Variants in GALNT14 observed in about 807,000 individuals in gnomAD.
The protein encoded by GALNT14 is polypeptide N-acetylgalactosaminyltransferase 14, also known as UDP-GalNAc:polypeptide N-acetylgalactosaminyltransferase 14.
Under a neutral mutation model 77.5 loss-of-function variants are expected in GALNT14, and 60 were observed. The observed-to-expected ratio is 0.77, with a 90% CI of 0.63 to 0.96. GALNT14 has a LOEUF of 0.96. Among genes scored for constraint, GALNT14 ranks in the 40% least tolerant of loss-of-function variants. The probability of loss-of-function intolerance (pLI) is 0.00; values close to 1 mark genes in which losing one functional copy is unlikely to be tolerated. For synonymous variants in GALNT14, 280 were observed against 281.7 expected (o/e 0.99, Z 0.06); for missense variants, 710 against 731.0 (o/e 0.97, Z 0.33).
chr2:30,905,462 C>T, the GALNT14 span, among the ~76,000 whole-genome samples: 14 of 151,780 alleles, frequency 9.2e-5, no homozygotes, highest in East Asian at 1.5e-3. Flanking sequence ...AGGGTATCAG[C>T]GATGGAAAAT....
At chr2:30,916,083 G>A (rs949350623) in intron 13 of GALNT14, among the ~76,000 whole-genome samples, 6 of 152,174 alleles carry the variant, frequency 3.9e-5, no homozygotes, top group Non-Finnish European at 8.8e-5. Flanking sequence ...CAAGATAAGA[G>A]TAATCACCCC....
rs1679309044 is a variant in GALNT14, at chr2:31,138,071, G to C, written c.16C>G (p.Arg6Gly). The C allele has an allele frequency of 6.2e-7, 1 of 1,613,768 alleles. No individual in the cohort carries two copies. Among genetic ancestry groups the C allele is most frequent in the Non-Finnish European group, 8.5e-7 (1 of 1,179,784 alleles). The change falls in exon 1 of 15, where the codon CGT (arginine) becomes GGT (glycine). Residue 6 changes from arginine (R) to glycine (G), a missense_variant. Physicochemically the swap from Arg to Gly is moderately radical, Grantham distance 125. Transcript: ENST00000349752. The stretch of plus-strand genomic sequence containing the variant: ...CCGAAGACTGGCAGAACCAGCCGAC[G>C]AGTCAGGCGCCGCATGGTCCCCTTT... MRRLTRRLVLPVFGVL... is the reference protein window; with the variant it reads MRRLTGRLVLPVFGVL...
chr2:30,975,630 T>C (rs916536080), intron 2 of GALNT14, among the ~76,000 whole-genome samples: 11 of 152,212 alleles, frequency 7.2e-5, no homozygotes, highest in Non-Finnish European at 1.5e-4. Context: ...TTTTAAATAA[T>C]ATGCAGCTCA....
At chr2:30,924,308 G>A in intron 12 of GALNT14, 45 bp from the exon 13 acceptor site, 1 of 1,599,056 alleles carries the variant, frequency 6.3e-7, no homozygotes, top group Non-Finnish European at 8.6e-7. Flanking sequence ...CTGCTCATTG[G>A]ATTAGCAAGA....
At chr2:30,891,616 T>C in the GALNT14 span, among the ~76,000 whole-genome samples, 2 of 152,212 alleles carry the variant, frequency 1.3e-5, no homozygotes, top group Non-Finnish European at 2.9e-5. Flanking sequence ...GTCTTCAGGC[T>C]GTCCTGCATC....
chr2:31,028,506 G>A (rs1241651974), intron 1 of GALNT14, among the ~76,000 whole-genome samples: 1 of 152,222 alleles, frequency 6.6e-6, no homozygotes, highest in East Asian at 1.9e-4. Context: ...GGTTAGCGGG[G>A]CTCCCTCCAT....
At chr2:30,956,389 T>C (rs1667370767) in intron 4 of GALNT14, among the ~76,000 whole-genome samples, 1 of 152,210 alleles carries the variant, frequency 6.6e-6, no homozygotes, top group Admixed American at 6.5e-5. Context: ...GATATATATA[T>C]TTATGGGGCA....
In GALNT14 at chr2:30,977,311, G is replaced by A. The variant is rs183970389; in HGVS notation, c.300-11009C>T. 5.1e-3 allele frequency among the ~76,000 whole-genome samples: 774 copies of A among 152,172 alleles called. 3 individuals are homozygous for A. Among genetic ancestry groups the A allele is most frequent in the Middle Eastern group, 6.8e-3 (2 of 294 alleles). On this transcript the variant is annotated intron_variant, in intron 2 of 14. Coordinates refer to ENST00000349752, the MANE Select transcript of GALNT14 (RefSeq NM_024572.4). ...TCACCATGTTGGCCAGGCTGGTCTC[G>A]AACTCCTGACCTCAGGTGATCCGCC...
intron 1 of GALNT14, among the ~76,000 whole-genome samples, chr2:31,056,542 T>C (rs1478066926): frequency 6.6e-6 from 1 of 152,132 alleles, no homozygotes; most frequent in African/African-American, 2.4e-5. Flanking sequence ...ATGATTCAGA[T>C]CAATGTACCA....
intron 11 of GALNT14, among the ~76,000 whole-genome samples, chr2:30,928,523 C>T (rs1271532837): frequency 2.6e-5 from 4 of 152,112 alleles, no homozygotes; most frequent in Non-Finnish European, 5.9e-5. Flanking sequence ...ATCTGTAAAC[C>T]AGGAGTCATT....
intron 1 of GALNT14, among the ~76,000 whole-genome samples, chr2:31,092,334 T>C (rs1676789941): frequency 6.6e-6 from 1 of 151,904 alleles, no homozygotes; most frequent in Non-Finnish European, 1.5e-5. Context: ...ACAGATCTCT[T>C]TTATAAAGGC....
intron 1 of GALNT14, among the ~76,000 whole-genome samples, chr2:31,012,116 G>A (rs948004850): frequency 2.0e-5 from 3 of 152,178 alleles, no homozygotes; most frequent in African/African-American, 7.2e-5. Flanking sequence ...ACAGATAAGC[G>A]CTGGGGATTT....
At chr2:31,027,915 T>TGTGTGTGTGTGTGTGTGTGC (rs768786430) in intron 1 of GALNT14, among the ~76,000 whole-genome samples, 3 of 151,840 alleles carry the variant, frequency 2.0e-5, no homozygotes, top group Non-Finnish European at 2.9e-5. Flanking sequence ...TGTGTGTGTG[T>TGTGTGTGTGTGTGTGTGTGC]GTGCACGCAT....
intron 1 of GALNT14, among the ~76,000 whole-genome samples, chr2:31,024,500 G>A (rs1234557236): frequency 6.6e-6 from 1 of 152,072 alleles, no homozygotes; most frequent in African/African-American, 2.4e-5. Context: ...CCACCTCAGG[G>A]CCTTTGCACC....
At chr2:31,083,691 G>T (rs1676268890) in intron 1 of GALNT14, among the ~76,000 whole-genome samples, 1 of 152,206 alleles carries the variant, frequency 6.6e-6, no homozygotes, top group South Asian at 2.1e-4. Flanking sequence ...CTGCCTCCTT[G>T]GACGTGTCTT....
At chr2:31,074,283 C>T (rs749941982) in intron 1 of GALNT14, among the ~76,000 whole-genome samples, 8 of 152,144 alleles carry the variant, frequency 5.3e-5, no homozygotes, top group Admixed American at 1.3e-4. Context: ...CTTGACATCC[C>T]AAGCTTTGGC....
chr2:31,021,299 CT>C (rs1361370245), intron 1 of GALNT14, among the ~76,000 whole-genome samples: 1 of 151,830 alleles, frequency 6.6e-6, no homozygotes. Flanking sequence ...TTTTTCTTTT[CT>C]TTTTTTTATT....
rs1410593862 is a variant in GALNT14 at position 30,985,142 on chromosome 2, A to AGGAG, written c.299+7695_299+7696insCTCC. Reference sequence around the variant, plus strand: ...ATGTGTGGAGTAAAGGAATGAGCAAATGAGTGAGTGAATGAATGAATGAAT... The same window carrying AGGAG: ...ATGTGTGGAGTAAAGGAATGAGCAAAGGAGTGAGTGAGTGAATGAATGAATGAAT... On this transcript the variant is annotated intron_variant, in intron 2 of 14. Transcript: ENST00000349752. 5.7e-3 allele frequency among the ~76,000 whole-genome samples: 691 copies of AGGAG among 120,540 alleles called. 7 individuals are homozygous for AGGAG. Among genetic ancestry groups the AGGAG allele is most frequent in the African/African-American group, 0.02 (647 of 32,652 alleles). 79.1% of individuals were successfully genotyped at this position (120,540 alleles called of 152,430 possible). A position where few individuals can be genotyped will look rare whatever the true frequency, so the allele number is the denominator to read the frequency against.
intron 1 of GALNT14, among the ~76,000 whole-genome samples, chr2:31,004,111 T>C (rs1364647380): frequency 6.6e-6 from 1 of 152,246 alleles, no homozygotes; most frequent in Non-Finnish European, 1.5e-5. Context: ...GAGCTGGTCC[T>C]ACCCACACGC....
Sources: gnomAD v4.1 joint callset for allele counts (sites outside exome capture counted in the v4.1 genomes callset) on GRCh38, gnomAD v4.1.1 for gene constraint, MANE v1.5 for transcripts, NCBI Gene and HGNC (gene_info 2026-07-23, HGNC 2026-07-21) for gene names.